Variants in STXBP5L observed in about 807,000 individuals in gnomAD.
The protein encoded by STXBP5L is syntaxin-binding protein 5-like.
STXBP5L carries 65 observed loss-of-function variants against 144.5 expected under a neutral mutation model. The ratio of observed to expected loss-of-function variants is 0.45; its 90% confidence interval spans 0.37 to 0.55. The LOEUF (loss-of-function observed/expected upper bound fraction) is 0.55. STXBP5L is among the 20% of genes least tolerant of loss of function. The pLI is 0.00. For missense variants in STXBP5L, 1,298 were observed against 1,405.5 expected, an observed-to-expected ratio of 0.92 and a Z score of 1.22; for synonymous variants, 505 against 469.6, an observed-to-expected ratio of 1.08 and a Z score of -0.97.
At chr3:121,160,247 T>C (rs7616074) in intron 9 of STXBP5L, among the ~76,000 whole-genome samples, 15,093 of 152,172 alleles carry the variant, frequency 0.099, 1,180 homozygotes, top group Admixed American at 0.2. Context: ...GCTTCTCAGT[T>C]TAATTCTGCC....
At chr3:121,054,483 A>G (rs992539712) in intron 5 of STXBP5L, among the ~76,000 whole-genome samples, 2 of 151,476 alleles carry the variant, frequency 1.3e-5, no homozygotes, top group South Asian at 2.1e-4. Flanking sequence ...GCAAACTATC[A>G]CAAGGACAAG....
rs200186528 is a variant in STXBP5L at position 121,381,317 on chromosome 3, G to A, written c.2372G>A (p.Arg791His). 4.8e-5 allele frequency: 76 copies of A among 1,580,742 alleles called. No homozygotes were observed. Among genetic ancestry groups the A allele is most frequent in the Admixed American group, 2.6e-4 (13 of 49,904 alleles). The change falls in exon 22 of 27, where the codon CGT becomes CAT. Residue 791 changes from arginine (R) to histidine (H), a missense_variant. Arg to His is a conservative substitution (Grantham distance 29). Coordinates refer to ENST00000471454, the MANE Select transcript of STXBP5L (RefSeq NM_001308330.2). ...TEENRENSYN[R>H]SRSSSISSID... is the part of the protein sequence containing the mutation. ...GAAAACCGAGAAAATTCCTATAATC[G>A]TTCTAGAAGCTCTAGTATCTCCAGT...
chr3:121,204,238 CA>C (rs202229650), intron 9 of STXBP5L, among the ~76,000 whole-genome samples: 4 of 148,932 alleles, frequency 2.7e-5, no homozygotes, highest in Non-Finnish European at 6.0e-5. Flanking sequence ...GACTCTGTCT[CA>C]AAAAAAAAGA....
intron 9 of STXBP5L, among the ~76,000 whole-genome samples, chr3:121,184,396 G>C (rs1029124639): frequency 6.6e-6 from 1 of 151,574 alleles, no homozygotes; most frequent in Non-Finnish European, 1.5e-5. Context: ...GAAAAACACA[G>C]CACAAGAACT....
intron 5 of STXBP5L, among the ~76,000 whole-genome samples, chr3:121,075,940 A>G (rs965495897): frequency 6.6e-6 from 1 of 152,248 alleles, no homozygotes; most frequent in Non-Finnish European, 1.5e-5. Context: ...TAATGACAGA[A>G]GAAGTTGTTT....
At chr3:120,986,732 A>T (rs1250889409) in intron 3 of STXBP5L, among the ~76,000 whole-genome samples, 1 of 152,018 alleles carries the variant, frequency 6.6e-6, no homozygotes, top group African/African-American at 2.4e-5. Flanking sequence ...TATAAGCAAA[A>T]TGGAAATATT....
chr3:121,227,156 T>C (rs1005860788), intron 11 of STXBP5L, among the ~76,000 whole-genome samples: 1 of 152,200 alleles, frequency 6.6e-6, no homozygotes, highest in East Asian at 1.9e-4. Flanking sequence ...CTTTGTTCAA[T>C]AGAGGATACT....
chr3:121,313,587 C>T (rs1192113889), intron 19 of STXBP5L, among the ~76,000 whole-genome samples: 1 of 70,344 alleles, frequency 1.4e-5, no homozygotes, highest in African/African-American at 5.8e-5. Context: ...ACCTCCCTCC[C>T]GGACGGGGCG....
chr3:121,019,191 C>T (rs1945365627), intron 3 of STXBP5L, among the ~76,000 whole-genome samples: 1 of 152,260 alleles, frequency 6.6e-6, no homozygotes, highest in South Asian at 2.1e-4. Flanking sequence ...GAAAACCACA[C>T]CCCCATTCCT....
At chr3:121,127,937 C>T (rs190535284) in intron 7 of STXBP5L, among the ~76,000 whole-genome samples, 2,287 of 152,078 alleles carry the variant, frequency 0.015, 33 homozygotes, top group Non-Finnish European at 0.023. Flanking sequence ...TGATGTTTTT[C>T]CCCACAAGAC....
intron 2 of STXBP5L, among the ~76,000 whole-genome samples, chr3:120,931,098 T>C (rs34232519): frequency 0.022 from 3,134 of 143,076 alleles, 47 homozygotes; most frequent in Non-Finnish European, 0.03. Context: ...GGTTTTCTCT[T>C]TTTTTTTTTT....
chr3:121,413,336 T>A lies in STXBP5L; in HGVS notation c.3114+13T>A, dbSNP rs1218639022. The A allele has an allele frequency of 7.3e-6, 11 of 1,507,142 alleles. No individual in the cohort carries two copies. Among genetic ancestry groups the A allele is most frequent in the Non-Finnish European group, 9.7e-6 (11 of 1,128,296 alleles). 93.4% of individuals were successfully genotyped at this position (1,507,142 alleles called of 1,614,324 possible). A position where few individuals can be genotyped will look rare whatever the true frequency, so the allele number is the denominator to read the frequency against. Reference sequence around the variant, plus strand: ...TGATAATCTACAGGTAGGTCAGGAGTTACATTTATGAAAAAGACATTGGAC... The same window carrying A: ...TGATAATCTACAGGTAGGTCAGGAGATACATTTATGAAAAAGACATTGGAC... On this transcript the variant is annotated intron_variant, in intron 24 of 26. Coordinates refer to ENST00000471454, the MANE Select transcript of STXBP5L (RefSeq NM_001308330.2).
chr3:121,106,003 A>G (rs2043684687), intron 5 of STXBP5L, among the ~76,000 whole-genome samples: 1 of 152,196 alleles, frequency 6.6e-6, no homozygotes, highest in Non-Finnish European at 1.5e-5. Flanking sequence ...CCCATTTTTC[A>G]AAGTGAGAAA....
chr3:121,253,238 G>T, intron 15 of STXBP5L, among the ~76,000 whole-genome samples: 1 of 149,910 alleles, frequency 6.7e-6, no homozygotes. Flanking sequence ...ATAATTTCAA[G>T]CTTACAAAAA....
chr3:121,390,526 C>T (rs939737568), intron 22 of STXBP5L, among the ~76,000 whole-genome samples: 6 of 152,060 alleles, frequency 3.9e-5, no homozygotes, highest in African/African-American at 9.7e-5. Context: ...TGGCTGGTAC[C>T]GGTTGTTTCT....
At chr3:121,175,515 T>A (rs2046899284) in intron 9 of STXBP5L, among the ~76,000 whole-genome samples, 1 of 152,148 alleles carries the variant, frequency 6.6e-6, no homozygotes. Context: ...TGATACATTT[T>A]AAATTTTAAG....
At chr3:121,415,684 G>A (rs1261225010) in intron 24 of STXBP5L, among the ~76,000 whole-genome samples, 173 bp from the exon 25 acceptor site, 1 of 151,966 alleles carries the variant, frequency 6.6e-6, no homozygotes, top group Non-Finnish European at 1.5e-5. Context: ...AGAAGGGGAG[G>A]AACAAAAGAA....
chr3:121,113,759 A>G (rs924843932), intron 5 of STXBP5L, among the ~76,000 whole-genome samples: 11 of 137,016 alleles, frequency 8.0e-5, no homozygotes, highest in African/African-American at 2.8e-4. Context: ...TGGTAACCCT[A>G]TCTCCTGGGT....
At chr3:121,317,720 T>G (rs1260226959) in intron 19 of STXBP5L, among the ~76,000 whole-genome samples, 1 of 152,170 alleles carries the variant, frequency 6.6e-6, no homozygotes, top group East Asian at 1.9e-4. Context: ...GAAAGAATTA[T>G]AAAATGTTTA....
Sources: allele counts gnomAD v4.1 joint callset (sites outside exome capture counted in the v4.1 genomes callset), GRCh38; gene constraint gnomAD v4.1.1; transcripts MANE v1.5; gene names NCBI Gene and HGNC (gene_info 2026-07-23, HGNC 2026-07-21).